The following TMEM132C variants were observed in gnomAD, a reference collection of about 807,000 sequenced individuals.
TMEM132C encodes the protein protein phosphatase 1, regulatory subunit 152.
TMEM132C carries 29 observed loss-of-function variants against 61.4 expected under a neutral mutation model. The ratio of observed to expected loss-of-function variants is 0.47; its 90% CI spans 0.35 to 0.64. The LOEUF (loss-of-function observed/expected upper bound fraction) is 0.64, where lower values mean the gene tolerates loss of function less well. TMEM132C is among the 30% of genes least tolerant of loss of function. The probability of loss-of-function intolerance (pLI) is 0.00; values close to 1 mark genes in which losing one functional copy is unlikely to be tolerated. For missense variants in TMEM132C, 1,408 were observed against 1,476.9 expected, an observed-to-expected ratio of 0.95 and a Z score of 0.76; for synonymous variants, 656 against 633.1, an observed-to-expected ratio of 1.04 and a Z score of -0.54.
intron 1 of TMEM132C, among the ~76,000 whole-genome samples, chr12:128,370,404 A>C (rs1393367766): frequency 6.6e-6 from 1 of 152,138 alleles, no homozygotes; most frequent in African/African-American, 2.4e-5. Context: ...TGGTCAATTG[A>C]AGGATCTATT....
intron 1 of TMEM132C, among the ~76,000 whole-genome samples, chr12:128,360,655 A>T: frequency 6.6e-6 from 1 of 152,204 alleles, no homozygotes; most frequent in Non-Finnish European, 1.5e-5. Flanking sequence ...CAATAACTTG[A>T]CCGTGGTGAA....
intron 2 of TMEM132C, among the ~76,000 whole-genome samples, chr12:128,440,550 C>T (rs1423419472): frequency 3.3e-5 from 5 of 152,184 alleles, no homozygotes; most frequent in African/African-American, 1.2e-4. Flanking sequence ...TCTCTGCTGC[C>T]CTCCAAAATC....
At chr12:128,580,418 C>A (rs775745864) in intron 3 of TMEM132C, among the ~76,000 whole-genome samples, 4 of 151,846 alleles carry the variant, frequency 2.6e-5, no homozygotes, top group Non-Finnish European at 5.9e-5. Flanking sequence ...CAGACTCCAT[C>A]TCAAAAAATG....
At chr12:128,499,104 C>T (rs994903264) in intron 2 of TMEM132C, among the ~76,000 whole-genome samples, 2 of 152,132 alleles carry the variant, frequency 1.3e-5, no homozygotes, top group Non-Finnish European at 2.9e-5. Context: ...ATTTGAAGAG[C>T]TCACACTTTC....
At chr12:128,515,493 G>A (rs1487475476) in intron 2 of TMEM132C, among the ~76,000 whole-genome samples, 1 of 152,234 alleles carries the variant, frequency 6.6e-6, no homozygotes, top group Non-Finnish European at 1.5e-5. Context: ...TTAACAAAAA[G>A]TGAATGCTCT....
At chr12:128,338,777 T>TATATATA (rs1565905368) in intron 1 of TMEM132C, among the ~76,000 whole-genome samples, 3 of 149,164 alleles carry the variant, frequency 2.0e-5, no homozygotes, top group African/African-American at 7.7e-5. Context: ...TATATATATA[T>TATATATA]TTTGCACAAA....
At chr12:128,356,301 C>T (rs531222465) in intron 1 of TMEM132C, among the ~76,000 whole-genome samples, 26 of 152,318 alleles carry the variant, frequency 1.7e-4, no homozygotes, top group Admixed American at 2.6e-4. Flanking sequence ...ACCCAGACCC[C>T]GTGCCTCAGC....
intron 2 of TMEM132C, among the ~76,000 whole-genome samples, chr12:128,509,263 G>A (rs1872492558): frequency 6.6e-6 from 1 of 152,190 alleles, no homozygotes. Flanking sequence ...TCCCAAAGCG[G>A]GCTTTGAGTA....
intron 3 of TMEM132C, among the ~76,000 whole-genome samples, chr12:128,604,556 G>A (rs1406987091): frequency 6.6e-6 from 1 of 151,940 alleles, no homozygotes; most frequent in Non-Finnish European, 1.5e-5. Context: ...ATAATAGATG[G>A]ATAGATAGAT....
intron 4 of TMEM132C, among the ~76,000 whole-genome samples, chr12:128,639,156 GTGATGGTGGTGATGGTGA>G (rs1403790840): frequency 6.8e-6 from 1 of 147,982 alleles, no homozygotes; most frequent in African/African-American, 2.5e-5. Flanking sequence ...GATGATGATG[GTGATGGTGGTGATGGTGA>G]TGATGGTGGT....
chr12:128,520,897 C>T (rs1345214962), intron 2 of TMEM132C, among the ~76,000 whole-genome samples: 1 of 152,048 alleles, frequency 6.6e-6, no homozygotes, highest in Non-Finnish European at 1.5e-5. Flanking sequence ...TGTTTGCTCC[C>T]ATGTTGTGTG....
At chr12:128,579,185 G>A (rs1875238859) in intron 3 of TMEM132C, among the ~76,000 whole-genome samples, 1 of 152,278 alleles carries the variant, frequency 6.6e-6, no homozygotes, top group South Asian at 2.1e-4. Flanking sequence ...GCCCATGCAC[G>A]GGCCTCAGTG....
chr12:128,297,761 ACT>A (rs1871458076), intron 1 of TMEM132C, among the ~76,000 whole-genome samples: 1 of 151,740 alleles, frequency 6.6e-6, no homozygotes. Context: ...TTAAGCAAAA[ACT>A]CTATAATTTT....
At chr12:128,528,448 C>T (rs1305888706) in intron 2 of TMEM132C, among the ~76,000 whole-genome samples, 1 of 152,202 alleles carries the variant, frequency 6.6e-6, no homozygotes, top group Admixed American at 6.5e-5. Context: ...GCAGCAGATG[C>T]GTGGACAGTG....
At position 128,695,871 on chromosome 12, in the gene TMEM132C, G is replaced by A. The variant is rs536728252; in HGVS notation, c.1697G>A (p.Arg566Gln). Residue 566 changes from arginine to glutamine, a missense_variant, in exon 7 of 9, where the codon CGG becomes CAG. Coordinates refer to ENST00000435159, the MANE Select transcript of TMEM132C (RefSeq NM_001136103.3). ...ESEDEDEEER[R>Q]GRGCALQYQH... ...GAGGATGAGGACGAGGAGGAGCGGC[G>A]GGGCCGGGGCTGCGCACTGCAATAC... The A allele has an allele frequency of 2.3e-5, 36 of 1,547,980 alleles. No individual in the cohort carries two copies. In the South Asian group the frequency reaches 3.6e-4, roughly 15 times the overall value.
rs544078144 is a variant in TMEM132C at position 128,271,124 on chromosome 12, G to A, written c.85+3637G>A. On this transcript the variant is annotated intron_variant, in intron 1 of 8. Transcript: ENST00000435159. ...CAAAAATTAGCTGGGCGTGGTGGCG[G>A]GGGCCTCTAATCCCAGCTACTCGGG... 1.1e-3 allele frequency among the ~76,000 whole-genome samples: 169 copies of A among 151,888 alleles called. 1 individual carries two copies. The highest frequency in any genetic ancestry group is 3.7e-3 in the African/African-American group (153 of 41,466).
chr12:128,329,147 T>A (rs895300820), intron 1 of TMEM132C, among the ~76,000 whole-genome samples: 1 of 152,194 alleles, frequency 6.6e-6, no homozygotes, highest in African/African-American at 2.4e-5. Flanking sequence ...ACCCGGGGAT[T>A]TGCAAAGCAT....
rs540397097 is a variant in TMEM132C at position 128,468,715 on chromosome 12, A to G, written c.974+53095A>G. ...GCTTTGGCAAAGTCAGAATTTCCCA[A>G]AATGTCTCATGTGTACCACTAATGT... On this transcript the variant is annotated intron_variant, in intron 2 of 8. Transcript: ENST00000435159. Among the ~76,000 whole-genome samples the G allele has an allele frequency of 2.2e-4, 33 of 152,336 alleles. No individual in the cohort carries two copies. In the South Asian group the frequency reaches 3.7e-3, roughly 17 times the overall value.
At chr12:128,650,741 A>T (rs1410621766) in intron 4 of TMEM132C, among the ~76,000 whole-genome samples, 1 of 152,178 alleles carries the variant, frequency 6.6e-6, no homozygotes, top group Non-Finnish European at 1.5e-5. Flanking sequence ...TCAAAAAAAA[A>T]GTCATTGCTG....
Sources: allele counts gnomAD v4.1 joint callset (sites outside exome capture counted in the v4.1 genomes callset), GRCh38; gene constraint gnomAD v4.1.1; transcripts MANE v1.5; gene names NCBI Gene and HGNC (gene_info 2026-07-23, HGNC 2026-07-21).